Variants in ZNF449 observed in about 807,000 individuals in gnomAD.
ZNF449 encodes the protein zinc finger and SCAN domain-containing protein 19.
Under a neutral mutation model 32.6 loss-of-function variants are expected in ZNF449, and 4 were observed. The ratio of observed to expected loss-of-function variants is 0.12; its 90% CI spans 0.06 to 0.28. The LOEUF (loss-of-function observed/expected upper bound fraction) is 0.28. Ranked by LOEUF, ZNF449 falls within the 10% of genes least tolerant of loss-of-function variation. The pLI is 1.00. For synonymous variants in ZNF449, 123 were observed against 132.2 expected, an observed-to-expected ratio of 0.93 and a Z score of 0.48; for missense variants, 275 against 383.2, an observed-to-expected ratio of 0.72 and a Z score of 2.36.
At position 135,360,834 on chromosome X, in the gene ZNF449, A is replaced by G; in HGVS notation, c.1315A>G (p.Asn439Asp). ...HTGEKPHRCH[N>D]CGKSFSRLTA... Reference sequence around the variant, plus strand: ...AGGTGAAAAACCTCATAGATGTCATAATTGTGGGAAAAGTTTTAGTCGACT... The same window carrying G: ...AGGTGAAAAACCTCATAGATGTCATGATTGTGGGAAAAGTTTTAGTCGACT... Residue 439 changes from asparagine (N) to aspartate (D), a missense_variant, in exon 5 of 5, where the codon AAT becomes GAT. By Grantham distance (23) the Asn-to-Asp change is conservative. Coordinates refer to ENST00000339249, the MANE Select transcript of ZNF449 (RefSeq NM_152695.6). 2 of 1,211,210 alleles carry G rather than the reference A, an allele frequency of 1.7e-6. No individual in the cohort carries two copies. The highest frequency in any genetic ancestry group is 2.2e-6 in the Non-Finnish European group (2 of 895,266).
rs148803193 is a variant in ZNF449, at chrX:135,349,185, G to C, written c.430G>C (p.Glu144Gln). 1.5e-4 allele frequency: 181 copies of C among 1,209,609 alleles called. No homozygotes were observed. Among genetic ancestry groups the C allele is most frequent in the Non-Finnish European group, 1.9e-4 (167 of 895,091 alleles). The change falls in exon 3 of 5, where the codon GAG becomes CAG. Residue 144 changes from glutamate (E) to glutamine (Q), a missense_variant. Glu to Gln is a conservative substitution (Grantham distance 29). Transcript: ENST00000339249. ...ACACATACCACCAACCATGCACCTA[G>C]AGTCACCTGCACTCCAGGTAATGGG... Reference protein sequence around the residue: ...TAHIPPTMHLESPALQVMGPA... With the variant: ...TAHIPPTMHLQSPALQVMGPA...
chrX:135,348,982 C>G, intron 2 of ZNF449, 128 bp from the exon 3 acceptor site: 1 of 960,829 alleles, frequency 1.0e-6, no homozygotes. Flanking sequence ...TTAAGATTGG[C>G]CTTACTTTTT....
chrX:135,347,537 GA>G (rs1556448794), intron 2 of ZNF449, 65 bp downstream of exon 2: 1 of 1,192,674 alleles, frequency 8.4e-7, no homozygotes, highest in Admixed American at 2.3e-5. Context: ...GCTGGGACTA[GA>G]CCACACATTT....
intron 3 of ZNF449, 149 bp downstream of exon 3, chrX:135,349,463 G>T: frequency 1.8e-6 from 1 of 547,112 alleles, no homozygotes. Context: ...GGGAATAGTA[G>T]GGAACAAAGC....
At position 135,347,044 on chromosome X, in the gene ZNF449, A is replaced by G; in HGVS notation, c.-75A>G. 2.8e-6 allele frequency: 3 copies of G among 1,076,527 alleles called. No individual in the cohort carries two copies. Among genetic ancestry groups the G allele is most frequent in the Non-Finnish European group, 3.7e-6 (3 of 802,378 alleles). 88.7% of individuals were successfully genotyped at this position (1,076,527 alleles called of 1,213,427 possible). ...CTGTAGGTGGCTCCCTCCCACCCCA[A>G]CGATTTCAGAGAGAAACAAGTCGGA... On this transcript the variant is annotated 5_prime_UTR_variant, in exon 2 of 5. Transcript: ENST00000339249.
In ZNF449 at chrX:135,347,487, T is replaced by G. The variant is rs201939035; in HGVS notation, c.354+15T>G. 1.5e-4 allele frequency: 183 copies of G among 1,209,081 alleles called. No individual in the cohort carries two copies. The highest frequency in any genetic ancestry group is 2.0e-4 in the Non-Finnish European group (175 of 894,408). ...CAGAGCAGCAGGTAAGAAAAGAATG[T>G]GGGATCTTTGTGATTGGTCCAAAGG... is the stretch of plus-strand genomic sequence containing the variant. On this transcript the variant is annotated intron_variant, in intron 2 of 4. Coordinates refer to ENST00000339249, the MANE Select transcript of ZNF449 (RefSeq NM_152695.6).
chrX:135,350,592 G>A (rs782555158), intron 3 of ZNF449, among the ~76,000 whole-genome samples: 1 of 111,729 alleles, frequency 9.0e-6, no homozygotes, highest in South Asian at 3.7e-4. Flanking sequence ...CACTATCTAC[G>A]AGCACCTTTG....
intron 3 of ZNF449, among the ~76,000 whole-genome samples, chrX:135,355,101 C>T (rs1254998700): frequency 9.1e-6 from 1 of 109,787 alleles, no homozygotes; most frequent in Non-Finnish European, 1.9e-5. Flanking sequence ...GCTGCTCTCC[C>T]CAGTTTCAAT....
intron 2 of ZNF449, chrX:135,347,727 T>G: frequency 1.0e-6 from 1 of 997,044 alleles, no homozygotes; most frequent in Non-Finnish European, 1.3e-6. Context: ...GACAACATAA[T>G]CTACCCACAT....
intron 3 of ZNF449, among the ~76,000 whole-genome samples, chrX:135,358,637 T>G (rs2084930011): frequency 1.8e-5 from 2 of 112,247 alleles, no homozygotes; most frequent in South Asian, 7.3e-4. Context: ...TACTGTCTTT[T>G]CTCATTACGT....
Position 135,347,145 on chromosome X carries a change from C to A in ZNF449, c.27C>A (p.Ile9=). 8.3e-7 allele frequency: 1 copy of A among 1,210,255 alleles called. No homozygotes were observed. Residue 9 remains isoleucine, a synonymous_variant, in exon 2 of 5, where the codon ATC becomes ATA. Transcript: ENST00000339249. Reference sequence around the variant, plus strand: ...TGGCTGTGGCCCTGGGTTGTGCAATCCAGGCATCCTTGAATCAAGGCTCTG... The same window carrying A: ...TGGCTGTGGCCCTGGGTTGTGCAATACAGGCATCCTTGAATCAAGGCTCTG... MAVALGCA[I]QASLNQGSVF...
chrX:135,347,403 A>C lies in ZNF449; in HGVS notation c.285A>C (p.Pro95=). The part of the protein sequence containing the change: ...EIETWVREHC[P]ENRERVVSLI... ...AGACCTGGGTGAGGGAGCACTGCCC[A>C]GAGAATAGAGAAAGAGTTGTGTCAC... is the stretch of plus-strand genomic sequence containing the variant. Residue 95 remains proline, a synonymous_variant, in exon 2 of 5, where the codon CCA becomes CCC. Coordinates refer to ENST00000339249, the MANE Select transcript of ZNF449 (RefSeq NM_152695.6). The C allele has an allele frequency of 1.7e-6, 2 of 1,212,020 alleles. No individual in the cohort carries two copies. The highest frequency in any genetic ancestry group is 2.2e-6 in the Non-Finnish European group (2 of 895,592).
At chrX:135,354,388 C>T (rs1412188081) in intron 3 of ZNF449, among the ~76,000 whole-genome samples, 1 of 111,811 alleles carries the variant, frequency 8.9e-6, no homozygotes, top group Non-Finnish European at 1.9e-5. Flanking sequence ...GGAACTGATA[C>T]CTAAAGGTGA....
In ZNF449 at chrX:135,347,326, C is replaced by T; in HGVS notation, c.208C>T (p.Leu70=). 8.2e-7 allele frequency: 1 copy of T among 1,212,332 alleles called. No individual in the cohort carries two copies. Residue 70 remains leucine (L), a synonymous_variant, in exon 2 of 5, where the codon CTG becomes TTG. Coordinates refer to ENST00000339249, the MANE Select transcript of ZNF449 (RefSeq NM_152695.6). ...KPKMRSKEQI[L]ELLVLEQFLT... is the part of the protein sequence containing the mutation. ...AAAGATGCGCTCTAAGGAACAAATCCTGGAGCTGCTAGTGTTGGAGCAATT... is the reference window on the plus strand; with the variant it reads ...AAAGATGCGCTCTAAGGAACAAATCTTGGAGCTGCTAGTGTTGGAGCAATT...
chrX:135,357,647 A>G (rs2084924738), intron 3 of ZNF449, among the ~76,000 whole-genome samples: 1 of 111,515 alleles, frequency 9.0e-6, no homozygotes, highest in African/African-American at 3.2e-5. Context: ...TTTGTTTTAT[A>G]TATTTTAGTA....
In ZNF449 at chrX:135,360,408, G is replaced by A. The variant is rs1556453279; in HGVS notation, c.889G>A (p.Glu297Lys). The change falls in exon 5 of 5, where the codon GAG becomes AAG. Residue 297 changes from glutamate to lysine, a missense_variant. By Grantham distance (56) the Glu-to-Lys change is moderately conservative (BLOSUM62 1). Transcript: ENST00000339249. ...LVDQQNPTLG[E>K]TPENSNLEEP... Reference sequence around the variant, plus strand: ...AGATCAGCAGAACCCCACTCTGGGAGAGACACCTGAGAACTCCAACTTGGA... The same window carrying A: ...AGATCAGCAGAACCCCACTCTGGGAAAGACACCTGAGAACTCCAACTTGGA... 4.1e-6 allele frequency: 5 copies of A among 1,210,899 alleles called. No individual in the cohort carries two copies. The highest frequency in any genetic ancestry group is 2.3e-4 in the Middle Eastern group (1 of 4,348).
rs781790750 is a variant in ZNF449 at position 135,350,443 on chromosome X, G to T, written c.559+1129G>T. On this transcript the variant is annotated intron_variant, in intron 3 of 4. Transcript: ENST00000339249. The stretch of plus-strand genomic sequence containing the variant: ...GAGACTGTTAAATACTGAGACCACA[G>T]AAGACACATAAAAAATGAAAATAAG... Among the ~76,000 whole-genome samples, 5 of 112,014 alleles carry T rather than the reference G, an allele frequency of 4.5e-5. 1 individual carries two copies. In the South Asian group the frequency reaches 1.9e-3, roughly 42 times the overall value.
rs1322183475 is a variant in ZNF449, at chrX:135,347,039, C to G, written c.-80C>G. The G allele has an allele frequency of 3.8e-6, 4 of 1,045,621 alleles. No homozygotes were observed. The highest frequency in any genetic ancestry group is 5.2e-6 in the Non-Finnish European group (4 of 775,875). The allele number at this position is 1,045,621 out of a possible 1,213,427, so 86.2% of individuals were successfully genotyped here. A position where few individuals can be genotyped will look rare whatever the true frequency, so the allele number is the denominator to read the frequency against. ...CTTAGCTGTAGGTGGCTCCCTCCCA[C>G]CCCAACGATTTCAGAGAGAAACAAG... On this transcript the variant is annotated 5_prime_UTR_variant, in exon 2 of 5. Coordinates refer to ENST00000339249, the MANE Select transcript of ZNF449 (RefSeq NM_152695.6).
rs199809146 is a variant in ZNF449 at position 135,347,074 on chromosome X, G to C, written c.-45G>C. The C allele has an allele frequency of 1.3e-4, 148 of 1,135,667 alleles. No homozygotes were observed. The East Asian group carries it at 4.0e-3, about 31-fold the overall frequency. The allele number at this position is 1,135,667 out of a possible 1,213,427, so 93.6% of individuals were successfully genotyped here. ...TTCAGAGAGAAACAAGTCGGAATCT[G>C]AGAAGTGAGGCTCCAGATAAACTGT... On this transcript the variant is annotated 5_prime_UTR_variant, in exon 2 of 5. Coordinates refer to ENST00000339249, the MANE Select transcript of ZNF449 (RefSeq NM_152695.6).
Sources: allele counts gnomAD v4.1 joint callset (sites outside exome capture counted in the v4.1 genomes callset), GRCh38; gene constraint gnomAD v4.1.1; transcripts MANE v1.5; gene names NCBI Gene and HGNC (gene_info 2026-07-23, HGNC 2026-07-21).